GRID1: variants seen among roughly 807,000 people sequenced by gnomAD.
GRID1 encodes glutamate receptor ionotropic, delta-1.
GRID1 carries 28 observed loss-of-function variants against 98.0 expected under a neutral mutation model. The observed-to-expected ratio is 0.29, with a 90% CI of 0.21 to 0.39. The LOEUF (loss-of-function observed/expected upper bound fraction) is 0.39. Ranked by LOEUF, GRID1 falls within the 10% of genes least tolerant of loss-of-function variation. The probability of loss-of-function intolerance (pLI) is 1.00; values close to 1 mark genes in which losing one functional copy is unlikely to be tolerated. For synonymous variants in GRID1, 553 were observed against 538.5 expected, an observed-to-expected ratio of 1.03 and a Z score of -0.37; for missense variants, 1,111 against 1,340.5, an observed-to-expected ratio of 0.83 and a Z score of 2.67.
At chr10:85,676,064 AAGG>A (rs777714317) in intron 12 of GRID1, among the ~76,000 whole-genome samples, 11 of 152,202 alleles carry the variant, frequency 7.2e-5, no homozygotes, top group Non-Finnish European at 1.5e-4. Flanking sequence ...CACCTCCAGC[AAGG>A]AGATTTTCAT....
At chr10:86,143,852 C>T (rs1170510123) in intron 3 of GRID1, among the ~76,000 whole-genome samples, 3 of 152,202 alleles carry the variant, frequency 2.0e-5, no homozygotes, top group Non-Finnish European at 4.4e-5. Flanking sequence ...GGTGCATGGG[C>T]CAGTCCACTC....
At chr10:85,895,010 A>ATAT (rs1431281533) in intron 5 of GRID1, among the ~76,000 whole-genome samples, 7 of 119,706 alleles carry the variant, frequency 5.8e-5, no homozygotes, top group East Asian at 2.3e-4. Context: ...TCAAAAAAAA[A>ATAT]AAAAAAATAT....
At chr10:86,252,637 C>G (rs952115199) in intron 2 of GRID1, among the ~76,000 whole-genome samples, 6 of 152,236 alleles carry the variant, frequency 3.9e-5, no homozygotes, top group Non-Finnish European at 7.3e-5. Flanking sequence ...TTTTTCTACA[C>G]CAAAGACACT....
intron 11 of GRID1, 92 bp from the exon 12 acceptor site, chr10:85,723,233 G>GCCATC: frequency 1.6e-6 from 2 of 1,270,798 alleles, no homozygotes; most frequent in Non-Finnish European, 2.1e-6. Flanking sequence ...AGGCACACAG[G>GCCATC]CCATCACTCG....
intron 3 of GRID1, among the ~76,000 whole-genome samples, chr10:86,159,943 TATC>T (rs1337851609): frequency 1.3e-5 from 2 of 152,116 alleles, no homozygotes; most frequent in African/African-American, 4.8e-5. Flanking sequence ...CGACCATCAT[TATC>T]ATCACCTTCA....
intron 8 of GRID1, among the ~76,000 whole-genome samples, chr10:85,813,799 G>A (rs1842693320): frequency 6.6e-6 from 1 of 151,692 alleles, no homozygotes; most frequent in Admixed American, 6.6e-5. Context: ...TCATCTGTTA[G>A]ATCTTTCAGT....
At chr10:86,173,135 T>A (rs1032579285) in intron 3 of GRID1, among the ~76,000 whole-genome samples, 3 of 152,224 alleles carry the variant, frequency 2.0e-5, no homozygotes, top group Non-Finnish European at 4.4e-5. Flanking sequence ...TCTCCTGGAC[T>A]CAAGCAATCC....
chr10:85,980,487 T>C (rs561532090), intron 4 of GRID1, among the ~76,000 whole-genome samples: 1 of 152,366 alleles, frequency 6.6e-6, no homozygotes, highest in Middle Eastern at 3.4e-3. Context: ...TGATTCCTGA[T>C]GCTGAGCTCT....
intron 12 of GRID1, among the ~76,000 whole-genome samples, chr10:85,683,376 G>GA (rs1310925504): frequency 6.6e-6 from 1 of 152,158 alleles, no homozygotes; most frequent in African/African-American, 2.4e-5. Context: ...CTTAAGAGTG[G>GA]AAATTTTTAA....
At chr10:85,928,429 C>T (rs1372503649) in intron 4 of GRID1, among the ~76,000 whole-genome samples, 1 of 152,238 alleles carries the variant, frequency 6.6e-6, no homozygotes, top group Non-Finnish European at 1.5e-5. Context: ...AGCAAGGCAG[C>T]CTGCACAGTC....
intron 4 of GRID1, among the ~76,000 whole-genome samples, chr10:86,121,594 T>TCACCATCAC (rs1844677993): frequency 7.8e-6 from 1 of 127,408 alleles, no homozygotes; most frequent in Non-Finnish European, 1.7e-5. Flanking sequence ...ATCACCATCA[T>TCACCATCAC]CTCACCATCA....
chr10:85,793,222 G>A (rs201210759), intron 8 of GRID1, among the ~76,000 whole-genome samples: 3 of 152,134 alleles, frequency 2.0e-5, no homozygotes, highest in East Asian at 3.9e-4. Flanking sequence ...ACTTCCATGT[G>A]CACTCCTTGA....
At chr10:86,045,537 G>T (rs1843410909) in intron 4 of GRID1, among the ~76,000 whole-genome samples, 1 of 152,180 alleles carries the variant, frequency 6.6e-6, no homozygotes, top group Non-Finnish European at 1.5e-5. Flanking sequence ...AGCTTCAGAG[G>T]AGAGGAATGT....
chr10:86,327,971 T>C (rs900567087), intron 2 of GRID1, among the ~76,000 whole-genome samples: 14 of 151,466 alleles, frequency 9.2e-5, no homozygotes, highest in African/African-American at 2.9e-4. Context: ...ATATGGTTTG[T>C]TATTGTGCAA....
At chr10:85,793,008 A>T (rs1379894276) in intron 8 of GRID1, among the ~76,000 whole-genome samples, 3 of 152,058 alleles carry the variant, frequency 2.0e-5, no homozygotes, top group Non-Finnish European at 4.4e-5. Flanking sequence ...CCCTTGTCCC[A>T]TCCCTCCCTT....
chr10:85,927,165 A>C (rs1841785472), intron 4 of GRID1, among the ~76,000 whole-genome samples: 1 of 152,140 alleles, frequency 6.6e-6, no homozygotes, highest in African/African-American at 2.4e-5. Flanking sequence ...AGCCCTCTAG[A>C]CCATGCATGC....
At chr10:85,848,436 G>A (rs1843026982) in intron 8 of GRID1, among the ~76,000 whole-genome samples, 1 of 152,108 alleles carries the variant, frequency 6.6e-6, no homozygotes, top group African/African-American at 2.4e-5. Flanking sequence ...CCTGTAAGTT[G>A]AGTAATGTAT....
chr10:85,750,017 T>G (rs147970042), intron 8 of GRID1, among the ~76,000 whole-genome samples: 108 of 152,334 alleles, frequency 7.1e-4, no homozygotes, highest in African/African-American at 2.5e-3. Flanking sequence ...ATAAGCTGCA[T>G]GAGGACAGAG....
intron 15 of GRID1, among the ~76,000 whole-genome samples, chr10:85,604,550 G>A (rs184447289): frequency 6.6e-6 from 1 of 152,274 alleles, no homozygotes; most frequent in East Asian, 1.9e-4. Flanking sequence ...ACCTCTGCAT[G>A]GCAAGTGTCG....
Sources: allele counts gnomAD v4.1 joint callset (sites outside exome capture counted in the v4.1 genomes callset), GRCh38; gene constraint gnomAD v4.1.1; transcripts MANE v1.5; gene names NCBI Gene and HGNC (gene_info 2026-07-23, HGNC 2026-07-21).